The following PTPRN2 variants were observed in gnomAD, a reference collection of about 807,000 sequenced individuals.
PTPRN2 encodes receptor-type tyrosine-protein phosphatase N2.
Under a neutral mutation model 118.8 loss-of-function variants are expected in PTPRN2, and 74 were observed. The observed-to-expected ratio is 0.62, with a 90% CI of 0.52 to 0.76. PTPRN2 has a LOEUF of 0.76. Among genes scored for constraint, PTPRN2 ranks in the 30% least tolerant of loss-of-function variants. PTPRN2 has a pLI of 0.00. For missense variants in PTPRN2, 1,481 were observed against 1,394.4 expected (o/e 1.06, Z -0.99); for synonymous variants, 641 against 608.0 (o/e 1.05, Z -0.80).
At chr7:158,057,788 C>T (rs1234075719) in intron 11 of PTPRN2, among the ~76,000 whole-genome samples, 1 of 152,226 alleles carries the variant, frequency 6.6e-6, no homozygotes, top group African/African-American at 2.4e-5. Flanking sequence ...CCCCATCTGC[C>T]ATGTTCATGT....
chr7:157,804,529 G>A (rs1194643739), intron 12 of PTPRN2, among the ~76,000 whole-genome samples: 2 of 148,426 alleles, frequency 1.3e-5, no homozygotes, highest in Non-Finnish European at 2.9e-5. Context: ...TCTAGACTGT[G>A]CACGGAGCTT....
intron 1 of PTPRN2, among the ~76,000 whole-genome samples, chr7:158,501,448 A>T (rs1320370476): frequency 1.3e-5 from 2 of 152,204 alleles, no homozygotes; most frequent in Admixed American, 6.5e-5. Context: ...GAACGGGAGA[A>T]CAGCCTGCCT....
At position 157,629,703 on chromosome 7, in the gene PTPRN2, C is replaced by T. The variant is rs1238529569; in HGVS notation, c.2197-8194G>A. 6.6e-6 allele frequency among the ~76,000 whole-genome samples: 1 copy of T among 152,178 alleles called. No homozygotes were observed. Among genetic ancestry groups the T allele is most frequent in the Non-Finnish European group, 1.5e-5 (1 of 68,036 alleles). ...GTGGAGACTTCTTCCCACTGTAGAA[C>T]AAGGCGTGTTAAAGAAAGCTGGGCT... On this transcript the variant is annotated intron_variant, in intron 14 of 22. Coordinates refer to ENST00000389418, the MANE Select transcript of PTPRN2 (RefSeq NM_002847.5). The surrounding 1 kb of genome is among the most constrained non-coding windows in gnomAD (Gnocchi z 4.4).
At chr7:158,182,715 C>G (rs6459850) in intron 5 of PTPRN2, among the ~76,000 whole-genome samples, 98,372 of 152,130 alleles carry the variant, frequency 0.65, 32,458 homozygotes, top group East Asian at 0.84. Context: ...TCTTCATCTA[C>G]TCTATTTTGG....
intron 11 of PTPRN2, among the ~76,000 whole-genome samples, chr7:158,080,060 T>C (rs1812676834): frequency 1.3e-5 from 2 of 152,146 alleles, no homozygotes; most frequent in South Asian, 4.2e-4. Context: ...GCAAAGGAGT[T>C]ACTGAGGGCA....
intron 3 of PTPRN2, among the ~76,000 whole-genome samples, chr7:158,214,573 C>T (rs1827833656): frequency 1.3e-5 from 2 of 152,248 alleles, no homozygotes; most frequent in African/African-American, 4.8e-5. Flanking sequence ...CCAACAAAGG[C>T]CAAATGGGGA....
chr7:158,150,724 A>T (rs1477421480), intron 6 of PTPRN2, among the ~76,000 whole-genome samples: 1 of 151,716 alleles, frequency 6.6e-6, no homozygotes, highest in Non-Finnish European at 1.5e-5. Context: ...GATCATGGTG[A>T]TCTGCAAAGC....
At chr7:157,988,375 G>T (rs1161542324) in intron 11 of PTPRN2, among the ~76,000 whole-genome samples, 1 of 152,218 alleles carries the variant, frequency 6.6e-6, no homozygotes, top group Non-Finnish European at 1.5e-5. Context: ...CCTGAGGCTG[G>T]TTTGCAGTGG....
At chr7:157,567,330 GT>G (rs1799538528) in intron 21 of PTPRN2, among the ~76,000 whole-genome samples, 1 of 152,200 alleles carries the variant, frequency 6.6e-6, no homozygotes, top group East Asian at 1.9e-4. Flanking sequence ...AATCTTGGGT[GT>G]TTAAAATGAC....
intron 3 of PTPRN2, among the ~76,000 whole-genome samples, chr7:158,225,917 A>G (rs151000571): frequency 2.4e-4 from 10 of 41,832 alleles, no homozygotes; most frequent in African/African-American, 1.2e-3. Context: ...GAACAGAGGG[A>G]GGGGAGTTGC....
intron 2 of PTPRN2, among the ~76,000 whole-genome samples, chr7:158,333,802 C>T (rs112432910): frequency 2.8e-5 from 4 of 144,134 alleles, no homozygotes; most frequent in African/African-American, 7.8e-5. Context: ...ACCATAAGAG[C>T]TGAGGCCCAC....
At chr7:158,467,341 T>C (rs966403607) in intron 2 of PTPRN2, among the ~76,000 whole-genome samples, 2 of 152,176 alleles carry the variant, frequency 1.3e-5, no homozygotes, top group African/African-American at 4.8e-5. Context: ...GAGTTCCTTA[T>C]ATATTTTAGA....
intron 11 of PTPRN2, among the ~76,000 whole-genome samples, chr7:157,946,811 C>G (rs1800515990): frequency 6.6e-6 from 1 of 152,206 alleles, no homozygotes; most frequent in African/African-American, 2.4e-5. Context: ...GGACAGTAAG[C>G]CTGAGAAGGG....
Position 158,138,513 on chromosome 7 carries a change from C to T in PTPRN2, c.913G>A (p.Ala305Thr). 6.2e-7 allele frequency: 1 copy of T among 1,610,344 alleles called. No homozygotes were observed. The highest frequency in any genetic ancestry group is 8.5e-7 in the Non-Finnish European group (1 of 1,179,692). ...SEDPSSTGDG[A>T]RIHTLLKDLQ... The stretch of plus-strand genomic sequence containing the variant: ...TCCTTCAGGAGGGTATGAATCCGTG[C>T]TCCTAGGGGCACACACACAAACACA... The change falls in exon 7 of 23, where the codon GCA becomes ACA. Residue 305 changes from alanine (A) to threonine (T), a missense_variant and splice_region_variant. By Grantham distance (58) the Ala-to-Thr change is moderately conservative. Around this residue, in one of 3 missense-constraint regions of PTPRN2, gnomAD observed 1,115 missense variants for 994.2 expected, o/e 1.12. Transcript: ENST00000389418.
In PTPRN2 at chr7:158,587,658, C is replaced by T. The variant is rs1212349352; in HGVS notation, c.12G>A (p.Pro4=). The T allele has an allele frequency of 1.5e-6, 2 of 1,350,542 alleles. No individual in the cohort carries two copies. The highest frequency in any genetic ancestry group is 1.8e-5 in the South Asian group (1 of 56,810). The allele number at this position is 1,350,542 out of a possible 1,614,324, so 83.7% of individuals were successfully genotyped here. A position where few individuals can be genotyped will look rare whatever the true frequency, so the allele number is the denominator to read the frequency against. ...GCAGTAGCAGCAGCAGCAGCGGGAG[C>T]GGCGGCCCCATCCCCGCGGCCTGGC... MGP[P]LPLLLLLLLL... The change falls in exon 1 of 23, where the codon CCG becomes CCA. Residue 4 remains proline (P), a synonymous_variant. Transcript: ENST00000389418.
chr7:158,527,384 CCTT>C (rs894476356), intron 1 of PTPRN2, among the ~76,000 whole-genome samples: 4 of 152,352 alleles, frequency 2.6e-5, no homozygotes, highest in African/African-American at 9.6e-5. Flanking sequence ...CGTGTCCAGT[CCTT>C]GGACGTGCTA....
intron 12 of PTPRN2, among the ~76,000 whole-genome samples, chr7:157,746,075 C>T (rs1349521353): frequency 6.7e-6 from 1 of 149,346 alleles, no homozygotes; most frequent in Non-Finnish European, 1.5e-5. Flanking sequence ...CTCCCTACAC[C>T]CCACAGTCCT....
Position 157,676,796 on chromosome 7 carries a change from G to A in PTPRN2, c.2001+5929C>T, listed in dbSNP as rs545927372. Among the ~76,000 whole-genome samples, 8 of 152,324 alleles carry A rather than the reference G, an allele frequency of 5.3e-5. No homozygotes were observed. The South Asian group carries it at 1.7e-3, about 32-fold the overall frequency. Reference sequence around the variant, plus strand: ...TTTCCACGGGGTGGGTGACTGATGAGGACAGGGGGTGCCTAGGAACAGGGG... The same window carrying A: ...TTTCCACGGGGTGGGTGACTGATGAAGACAGGGGGTGCCTAGGAACAGGGG... On this transcript the variant is annotated intron_variant, in intron 13 of 22. Coordinates refer to ENST00000389418, the MANE Select transcript of PTPRN2 (RefSeq NM_002847.5). This position sits in a 1 kb window ranked among gnomAD's most constrained non-coding sequence, Gnocchi z 5.6.
At chr7:158,569,046 A>T (rs1452944998) in intron 1 of PTPRN2, among the ~76,000 whole-genome samples, 1 of 152,166 alleles carries the variant, frequency 6.6e-6, no homozygotes, top group East Asian at 1.9e-4. Flanking sequence ...GAATCACTGG[A>T]GCCCAAGGCA....
Sources: gnomAD v4.1 joint callset for allele counts (sites outside exome capture counted in the v4.1 genomes callset) on GRCh38, gnomAD v4.1.1 for gene constraint, gnomAD v4.1.1 regional missense constraint, Gnocchi (gnomAD v3.1) non-coding constraint, MANE v1.5 for transcripts, NCBI Gene and HGNC (gene_info 2026-07-23, HGNC 2026-07-21) for gene names.